Variants in P3H1 observed in about 807,000 individuals in gnomAD.
P3H1 encodes prolyl 3-hydroxylase 1.
In P3H1, 69 loss-of-function variants were observed where a neutral mutation model predicts 84.0. The observed-to-expected ratio is 0.82, with a 90% CI of 0.68 to 1.00. The LOEUF (loss-of-function observed/expected upper bound fraction) is 1.00. P3H1 is among the 50% of genes least tolerant of loss of function. The probability of loss-of-function intolerance (pLI) is 0.00; values close to 1 mark genes in which losing one functional copy is unlikely to be tolerated. For synonymous variants in P3H1, 366 were observed against 388.8 expected, an observed-to-expected ratio of 0.94 and a Z score of 0.69; for missense variants, 878 against 962.8, an observed-to-expected ratio of 0.91 and a Z score of 1.17.
intron 10 of P3H1, chr1:42,751,579 A>T (rs1434584561): frequency 1.5e-5 from 2 of 134,096 alleles, no homozygotes; most frequent in Admixed American, 7.2e-5. Context: ...AAAAAAATAA[A>T]TAAATAAATA....
At chr1:42,747,605 G>T in intron 13 of P3H1, 118 bp downstream of exon 13, 1 of 1,200,564 alleles carries the variant, frequency 8.3e-7, no homozygotes, top group Non-Finnish European at 1.2e-6. Context: ...CTGGATGGGG[G>T]AAGGGTACCG....
At position 42,750,653 on chromosome 1, in the gene P3H1, G is replaced by GGT. The variant is rs1198827630; in HGVS notation, c.1570-318_1570-317insAC. ...CCACCCCGTCCGGGAGGGAGGCCGG[G>GGT]GGGGGTGGTCGGCCAGCCGCCCCGT... is the stretch of plus-strand genomic sequence containing the variant. On this transcript the variant is annotated intron_variant, in intron 10 of 14. Transcript: ENST00000296388. 6.0e-3 allele frequency among the ~76,000 whole-genome samples: 777 copies of GGT among 130,064 alleles called. 133 individuals are homozygous for GGT. The highest frequency in any genetic ancestry group is 0.024 in the African/African-American group (742 of 30,772). The allele number at this position is 130,064 out of a possible 152,430, so 85.3% of individuals were successfully genotyped here.
chr1:42,752,363 C>T lies in P3H1; in HGVS notation c.1480G>A (p.Ala494Thr), dbSNP rs757958715. 2 of 1,614,034 alleles carry T rather than the reference C, an allele frequency of 1.2e-6. No homozygotes were observed. Among genetic ancestry groups the T allele is most frequent in the East Asian group, 2.2e-5 (1 of 44,882 alleles). The change falls in exon 10 of 15, where the codon GCA (alanine) becomes ACA (threonine). Residue 494 changes from alanine to threonine, a missense_variant. By Grantham distance (58) the Ala-to-Thr change is moderately conservative. Transcript: ENST00000296388. Reference sequence around the variant, plus strand: ...CCCCGGTAGCCATCTCCTGAGGTTGCTGCCACCTACAAGGCCCAAAACACA... The same window carrying T: ...CCCCGGTAGCCATCTCCTGAGGTTGTTGCCACCTACAAGGCCCAAAACACA... ...QELQRLTNVA[A>T]TSGDGYRGQT...
chr1:42,763,554 C>A lies in P3H1; in HGVS notation c.466-1079G>T, dbSNP rs148648376. 7.7e-3 allele frequency among the ~76,000 whole-genome samples: 1,160 copies of A among 151,396 alleles called. 26 individuals carry two copies. Among genetic ancestry groups the A allele is most frequent in the African/African-American group, 0.027 (1,097 of 41,236 alleles). On this transcript the variant is annotated intron_variant, in intron 1 of 14. Coordinates refer to ENST00000296388, the MANE Select transcript of P3H1 (RefSeq NM_022356.4). Reference sequence around the variant, plus strand: ...GGGCGTTGTGGCGCACACCCGTAATCCCAGCTTCTTGGGAGGCTGAAGCAG... The same window carrying A: ...GGGCGTTGTGGCGCACACCCGTAATACCAGCTTCTTGGGAGGCTGAAGCAG...
chr1:42,766,956 A>G lies in P3H1; in HGVS notation c.16T>C (p.Leu6=), dbSNP rs1304873106. MAVRA[L]KLLTTLLAVV... is the part of the protein sequence containing the mutation. Reference sequence around the variant, plus strand: ...GCCAGCAGTGTGGTCAGCAGCTTCAACGCGCGTACCGCCATCGCTCCCTCA... The same window carrying G: ...GCCAGCAGTGTGGTCAGCAGCTTCAGCGCGCGTACCGCCATCGCTCCCTCA... Residue 6 remains leucine (L), a synonymous_variant, in exon 1 of 15, where the codon TTG becomes CTG. Coordinates refer to ENST00000296388, the MANE Select transcript of P3H1 (RefSeq NM_022356.4). 6.2e-6 allele frequency: 10 copies of G among 1,608,742 alleles called. No homozygotes were observed. The East Asian group carries it at 8.9e-5, about 14-fold the overall frequency.
In P3H1 at chr1:42,746,475, G is replaced by A. The variant is rs912007784; in HGVS notation, c.*222C>T. On this transcript the variant is annotated 3_prime_UTR_variant, in exon 15 of 15. Coordinates refer to ENST00000296388, the MANE Select transcript of P3H1 (RefSeq NM_022356.4). Reference sequence around the variant, plus strand: ...CCTGTGGAGGCCCCTGGGGGTGGCTGGGCCTGTGTCCTGAGCCCTCAGCCA... The same window carrying A: ...CCTGTGGAGGCCCCTGGGGGTGGCTAGGCCTGTGTCCTGAGCCCTCAGCCA... 1.7e-6 allele frequency: 1 copy of A among 588,682 alleles called. No individual in the cohort carries two copies. The highest frequency in any genetic ancestry group is 2.1e-5 in the South Asian group (1 of 47,320). The allele number at this position is 588,682 out of a possible 1,614,324, so 36.5% of individuals were successfully genotyped here.
chr1:42,766,608 G>T lies in P3H1; in HGVS notation c.364C>A (p.Arg122Ser). Residue 122 changes from arginine to serine, a missense_variant, in exon 1 of 15, where the codon CGC becomes AGC. Arg to Ser is a moderately radical substitution (Grantham distance 110). Coordinates refer to ENST00000296388, the MANE Select transcript of P3H1 (RefSeq NM_022356.4). ...GLLRRAACLR[R>S]CLGPPAAHSL... Reference sequence around the variant, plus strand: ...TGGGCGGCCGGCGGCCCGAGGCAGCGGCGCAGGCAGGCAGCGCGACGCAGA... The same window carrying T: ...TGGGCGGCCGGCGGCCCGAGGCAGCTGCGCAGGCAGGCAGCGCGACGCAGA... 3.1e-6 allele frequency: 5 copies of T among 1,607,240 alleles called. No individual in the cohort carries two copies. Among genetic ancestry groups the T allele is most frequent in the Non-Finnish European group, 4.2e-6 (5 of 1,177,294 alleles).
chr1:42,766,007 T>TCCCCCCCCCCC (rs747617057), intron 1 of P3H1, among the ~76,000 whole-genome samples: 9 of 117,724 alleles, frequency 7.6e-5, no homozygotes, highest in African/African-American at 1.4e-4. Flanking sequence ...AGCCAGAGGG[T>TCCCCCCCCCCC]CCCCCCCCCG....
At chr1:42,747,218 TG>T in intron 14 of P3H1, 53 bp downstream of exon 14, 1 of 1,614,144 alleles carries the variant, frequency 6.2e-7, no homozygotes, top group Non-Finnish European at 8.5e-7. Context: ...AAGGGCGCTC[TG>T]GGAACGGGTC....
intron 2 of P3H1, among the ~76,000 whole-genome samples, chr1:42,759,713 C>A (rs1652601937): frequency 6.6e-6 from 1 of 151,926 alleles, no homozygotes; most frequent in African/African-American, 2.4e-5. Context: ...CTTGCCTCAG[C>A]CTCCCTAGTA....
intron 11 of P3H1, chr1:42,748,552 A>G (rs1185142840): frequency 1.8e-6 from 1 of 559,966 alleles, no homozygotes. Flanking sequence ...AAGGGCTCCA[A>G]CCAAGGGCAG....
At chr1:42,747,498 C>T (rs1266171441) in intron 13 of P3H1, 86 bp from the exon 14 acceptor site, 10 of 1,349,570 alleles carry the variant, frequency 7.4e-6, no homozygotes, top group East Asian at 2.3e-5. Flanking sequence ...TTAGGGCTCA[C>T]GACCGAGGGC....
Position 42,766,745 on chromosome 1 carries a change from C to T in P3H1, c.227G>A (p.Arg76His). ...AALRALRLRCRTQCAADFPWE... is the reference protein window; with the variant it reads ...AALRALRLRCHTQCAADFPWE... ...CGGGAAGTCGGCGGCACACTGGGTG[C>T]GGCAGCGCAGGCGAAGGGCGCGGAG... The change falls in exon 1 of 15, where the codon CGC becomes CAC. Residue 76 changes from arginine to histidine, a missense_variant. Coordinates refer to ENST00000296388, the MANE Select transcript of P3H1 (RefSeq NM_022356.4). The T allele has an allele frequency of 6.3e-7, 1 of 1,579,920 alleles. No homozygotes were observed. Among genetic ancestry groups the T allele is most frequent in the Admixed American group, 1.8e-5 (1 of 56,104 alleles).
rs1319040786 is a variant in P3H1 at position 42,766,825 on chromosome 1, C to CA, written c.146_147insT (p.Asp50GlyfsTer126). 6.2e-7 allele frequency: 1 copy of CA among 1,604,144 alleles called. No homozygotes were observed. Among genetic ancestry groups the CA allele is most frequent in the Non-Finnish European group, 8.5e-7 (1 of 1,179,722 alleles). ...TGCTCAGGACCACCCCGGGCCAGTC[C>CA]CCGCGCGCGTAGGCTGCGGTCCCCT... On this transcript the variant is annotated frameshift_variant, in exon 1 of 15. Transcript: ENST00000296388. LOFTEE classifies it high-confidence loss of function.
At chr1:42,759,981 CTT>C (rs36110403) in intron 2 of P3H1, 163 of 102,988 alleles carry the variant, frequency 1.6e-3, no homozygotes, top group African/African-American at 4.5e-3. Flanking sequence ...GATTCTTGCA[CTT>C]TTTTTTTTTT....
chr1:42,763,882 C>T (rs139421468), intron 1 of P3H1, among the ~76,000 whole-genome samples: 62 of 151,782 alleles, frequency 4.1e-4, no homozygotes, highest in African/African-American at 1.4e-3. Flanking sequence ...CGGGGGTTCA[C>T]GCCTATAATC....
chr1:42,747,045 C>T (rs1018953002), intron 14 of P3H1, 193 bp from the exon 15 acceptor site: 13 of 1,614,236 alleles, frequency 8.1e-6, no homozygotes, highest in East Asian at 2.2e-5. Flanking sequence ...CTCAGCATCG[C>T]TCCCTGTCTT....
In P3H1 at chr1:42,746,652, T is replaced by C. The variant is rs1422536075; in HGVS notation, c.*45A>G. 6.8e-7 allele frequency: 1 copy of C among 1,480,904 alleles called. No individual in the cohort carries two copies. The highest frequency in any genetic ancestry group is 9.2e-7 in the Non-Finnish European group (1 of 1,083,460). 91.7% of individuals were successfully genotyped at this position (1,480,904 alleles called of 1,614,324 possible). On this transcript the variant is annotated 3_prime_UTR_variant, in exon 15 of 15. Coordinates refer to ENST00000296388, the MANE Select transcript of P3H1 (RefSeq NM_022356.4). ...TGGCCAGCTCAGAGTGCAGAAGAGT[T>C]CCTCTCCATGGGTCTAGTCACCCAT... is the stretch of plus-strand genomic sequence containing the variant.
chr1:42,747,212 G>T (rs368398309), intron 14 of P3H1, 60 bp downstream of exon 14: 1 of 1,614,188 alleles, frequency 6.2e-7, no homozygotes, highest in Non-Finnish European at 8.5e-7. Flanking sequence ...CAAACCAAGG[G>T]CGCTCTGGGA....
Sources: allele counts gnomAD v4.1 joint callset (sites outside exome capture counted in the v4.1 genomes callset), GRCh38; gene constraint gnomAD v4.1.1; transcripts MANE v1.5; gene names NCBI Gene and HGNC (gene_info 2026-07-23, HGNC 2026-07-21).